PICALM: variants seen among roughly 807,000 people sequenced by gnomAD.
The protein encoded by PICALM is phosphatidylinositol-binding clathrin assembly protein.
PICALM carries 40 observed loss-of-function variants against 80.5 expected under a neutral mutation model. That is an observed-to-expected ratio of 0.50 (90% confidence interval 0.39 to 0.65). The LOEUF is 0.65. PICALM is among the 30% of genes least tolerant of loss of function. The pLI, the probability that PICALM is intolerant of heterozygous loss-of-function variation, is 0.00. For synonymous variants in PICALM, 288 were observed against 260.3 expected (o/e 1.11, Z -1.02); for missense variants, 676 against 778.9 (o/e 0.87, Z 1.57).
intron 1 of PICALM, among the ~76,000 whole-genome samples, chr11:86,044,190 C>G (rs1212672274): frequency 6.6e-6 from 1 of 152,140 alleles, no homozygotes; most frequent in Non-Finnish European, 1.5e-5. Context: ...CTAAAAATTT[C>G]TTAGCTCTTG....
chr11:85,966,347 C>T (rs558686438), intron 19 of PICALM, among the ~76,000 whole-genome samples: 1 of 152,168 alleles, frequency 6.6e-6, no homozygotes, highest in Non-Finnish European at 1.5e-5. Flanking sequence ...GTTGATATCA[C>T]AGGTGTGAGC....
chr11:86,018,848 C>T (rs977117780), intron 4 of PICALM, among the ~76,000 whole-genome samples: 1 of 151,322 alleles, frequency 6.6e-6, no homozygotes, highest in Non-Finnish European at 1.5e-5. Context: ...AAGAGCACGC[C>T]ACTGCACCCC....
chr11:86,026,389 A>G (rs776519624), intron 2 of PICALM, 22 bp from the exon 3 acceptor site: 3 of 1,457,956 alleles, frequency 2.1e-6, no homozygotes, highest in Non-Finnish European at 9.5e-7. Context: ...AAATTACATC[A>G]TATTAAGGTA....
upstream of PICALM, chr11:86,069,257 C>T (rs2096487826): frequency 5.7e-6 from 1 of 175,336 alleles, no homozygotes; most frequent in African/African-American, 2.4e-5. Context: ...TGATGGAACT[C>T]GCCAGGCGGG....
At chr11:86,059,828 ACCTAACCTG>A (rs1453929792) in intron 1 of PICALM, among the ~76,000 whole-genome samples, 1 of 152,022 alleles carries the variant, frequency 6.6e-6, no homozygotes, top group African/African-American at 2.4e-5. Context: ...CACAATTGAT[ACCTAACCTG>A]CCTAACTTTC....
intron 2 of PICALM, among the ~76,000 whole-genome samples, chr11:86,031,200 C>T (rs998716109): frequency 6.6e-6 from 1 of 152,148 alleles, no homozygotes; most frequent in African/African-American, 2.4e-5. Context: ...ATAAACAGGA[C>T]CAGCAAAAAC....
chr11:86,033,547 G>A (rs1489065820), intron 1 of PICALM, among the ~76,000 whole-genome samples: 1 of 152,062 alleles, frequency 6.6e-6, no homozygotes, highest in Non-Finnish European at 1.5e-5. Context: ...CACCATATTA[G>A]ATAAACTTCC....
At chr11:86,038,764 G>A (rs12290708) in intron 1 of PICALM, among the ~76,000 whole-genome samples, 4,267 of 150,098 alleles carry the variant, frequency 0.028, 214 homozygotes, top group African/African-American at 0.1. Flanking sequence ...GCGACAGAGC[G>A]AGACTCCATC....
At chr11:86,035,961 A>G (rs1031826235) in intron 1 of PICALM, among the ~76,000 whole-genome samples, 5 of 149,264 alleles carry the variant, frequency 3.3e-5, no homozygotes, top group East Asian at 2.1e-4. Flanking sequence ...AAAAAAAAAA[A>G]AAAAGAAAAA....
Position 85,981,744 on chromosome 11 carries a change from C to T in PICALM, c.1679+1G>A. On this transcript the variant is annotated splice_donor_variant, in intron 16 of 19. Transcript: ENST00000393346. LOFTEE classifies it high-confidence loss of function. ...AAACAATGTGTATATTAAACACTCA[C>T]TTCTTAGTGGTTCCATTTCCGATGC... 6.2e-7 allele frequency: 1 copy of T among 1,608,638 alleles called. No individual in the cohort carries two copies. Among genetic ancestry groups the T allele is most frequent in the Non-Finnish European group, 8.5e-7 (1 of 1,175,142 alleles).
intron 7 of PICALM, 55 bp downstream of exon 7, chr11:86,010,975 C>T: frequency 1.3e-6 from 1 of 746,838 alleles, no homozygotes; most frequent in East Asian, 2.5e-5. Flanking sequence ...ACTTCAAAAT[C>T]CATACTTACA....
chr11:85,966,846 G>C (rs781289586), intron 19 of PICALM, among the ~76,000 whole-genome samples: 6 of 152,184 alleles, frequency 3.9e-5, no homozygotes, highest in Non-Finnish European at 7.3e-5. Flanking sequence ...ACTATGGAAC[G>C]AATGGGGCTA....
At chr11:86,034,472 C>T (rs2095808592) in intron 1 of PICALM, among the ~76,000 whole-genome samples, 1 of 152,162 alleles carries the variant, frequency 6.6e-6, no homozygotes, top group South Asian at 2.1e-4. Context: ...ACTGCTTTTC[C>T]CACTCTCAAT....
chr11:86,022,099 G>T (rs1389944863), intron 4 of PICALM, among the ~76,000 whole-genome samples: 3 of 152,068 alleles, frequency 2.0e-5, no homozygotes, highest in Non-Finnish European at 4.4e-5. Context: ...GGTGATGTTG[G>T]ACAACTTTGT....
intron 13 of PICALM, among the ~76,000 whole-genome samples, chr11:85,988,564 G>A (rs762588786): frequency 6.6e-6 from 1 of 152,006 alleles, no homozygotes; most frequent in Non-Finnish European, 1.5e-5. Flanking sequence ...TTCTGACAAG[G>A]CATACAAGGC....
In PICALM at chr11:86,014,888, A is replaced by T; in HGVS notation, c.528T>A (p.Asp176Glu). The T allele has an allele frequency of 6.4e-7, 1 of 1,553,566 alleles. No homozygotes were observed. Among genetic ancestry groups the T allele is most frequent in the Non-Finnish European group, 8.8e-7 (1 of 1,132,040 alleles). ...KTVPIIQNQMDALLDFNVNSN... is the reference protein window; with the variant it reads ...KTVPIIQNQMEALLDFNVNSN... ...AACTCACATTAAAATCAAGAAGTGC[A>T]TCCATCTGATTCTGAATAATTGGTA... is the stretch of plus-strand genomic sequence containing the variant. The change falls in exon 5 of 20, where the codon GAT becomes GAA. Residue 176 changes from aspartate (D) to glutamate (E), a missense_variant. Physicochemically the swap from Asp to Glu is conservative, Grantham distance 45 (BLOSUM62 2). Around this residue, in one of 2 missense-constraint regions of PICALM, gnomAD observed 285 missense variants for 395.4 expected, o/e 0.72. Coordinates refer to ENST00000393346, the MANE Select transcript of PICALM (RefSeq NM_007166.4).
At chr11:85,968,067 C>T (rs1438802665) in intron 19 of PICALM, among the ~76,000 whole-genome samples, 1 of 152,204 alleles carries the variant, frequency 6.6e-6, no homozygotes, top group Non-Finnish European at 1.5e-5. Context: ...GGAGCAGTGG[C>T]TCATGCCTAT....
chr11:85,981,091 A>T, intron 17 of PICALM, 38 bp downstream of exon 17: 1 of 925,424 alleles, frequency 1.1e-6, no homozygotes. Context: ...TAACTAAATT[A>T]TTCAACTGTT....
At chr11:86,043,113 T>C (rs185522334) in intron 1 of PICALM, among the ~76,000 whole-genome samples, 1 of 152,294 alleles carries the variant, frequency 6.6e-6, no homozygotes, top group East Asian at 1.9e-4. Context: ...GGATGACATA[T>C]TACACATCAC....
Sources: allele counts gnomAD v4.1 joint callset (sites outside exome capture counted in the v4.1 genomes callset), GRCh38; gene constraint gnomAD v4.1.1; regional missense constraint gnomAD v4.1.1; transcripts MANE v1.5; gene names NCBI Gene and HGNC (gene_info 2026-07-23, HGNC 2026-07-21).